Variants in INPP5F observed in about 807,000 individuals in gnomAD.
INPP5F encodes the protein phosphatidylinositide 4-phosphatase SAC2.
Under a neutral mutation model 137.2 loss-of-function variants are expected in INPP5F, and 97 were observed. That is an observed-to-expected ratio of 0.71 (90% CI 0.60 to 0.84). INPP5F has a LOEUF of 0.84. INPP5F is among the 40% of genes least tolerant of loss of function. INPP5F has a pLI of 0.00. For synonymous variants in INPP5F, 504 were observed against 476.9 expected, an observed-to-expected ratio of 1.06 and a Z score of -0.74; for missense variants, 1,271 against 1,371.9, an observed-to-expected ratio of 0.93 and a Z score of 1.16.
At chr10:119,784,506 T>C in intron 3 of INPP5F, among the ~76,000 whole-genome samples, 1 of 152,222 alleles carries the variant, frequency 6.6e-6, no homozygotes, top group Non-Finnish European at 1.5e-5. Flanking sequence ...ATAATCTGCA[T>C]TTATTCCAGC....
At chr10:119,785,284 C>CTTTTTTTTTTTTTTTTTTTTT (rs1440327192) in intron 3 of INPP5F, among the ~76,000 whole-genome samples, 2 of 81,604 alleles carry the variant, frequency 2.5e-5, no homozygotes, top group South Asian at 7.4e-4. Context: ...AACTGCCAGA[C>CTTTTTTTTTTTTTTTTTTTTT]TGTTTTTTTT....
chr10:119,742,914 C>T (rs1170340331), intron 1 of INPP5F, among the ~76,000 whole-genome samples: 1 of 152,138 alleles, frequency 6.6e-6, no homozygotes, highest in African/African-American at 2.4e-5. Flanking sequence ...ATTGCTTGAA[C>T]CCGGGAGGTG....
chr10:119,738,349 A>G (rs180857867), intron 1 of INPP5F, among the ~76,000 whole-genome samples: 338 of 152,290 alleles, frequency 2.2e-3, no homozygotes, highest in Middle Eastern at 6.8e-3. Context: ...TTGAATTTGT[A>G]TGCCACATTA....
chr10:119,753,021 T>TA (rs879761665), intron 2 of INPP5F, among the ~76,000 whole-genome samples: 1 of 152,084 alleles, frequency 6.6e-6, no homozygotes, highest in Non-Finnish European at 1.5e-5. Context: ...GGTAGGTTTT[T>TA]AAAAAAATTC....
chr10:119,820,158 G>A (rs1003996943), intron 15 of INPP5F, among the ~76,000 whole-genome samples: 13 of 152,074 alleles, frequency 8.5e-5, no homozygotes, highest in African/African-American at 2.9e-4. Context: ...TTTCTTATTG[G>A]TAATTTTACA....
At chr10:119,773,699 C>T (rs1216583936) in intron 2 of INPP5F, among the ~76,000 whole-genome samples, 2 of 151,670 alleles carry the variant, frequency 1.3e-5, no homozygotes, top group Non-Finnish European at 2.9e-5. Flanking sequence ...TTTTTAAATC[C>T]CCCTCTTGCT....
intron 6 of INPP5F, among the ~76,000 whole-genome samples, chr10:119,795,486 C>G (rs961834052): frequency 3.3e-5 from 5 of 151,458 alleles, no homozygotes; most frequent in African/African-American, 9.7e-5. Flanking sequence ...GATGGGCGGC[C>G]GGGCAGAGAC....
At position 119,826,795 on chromosome 10, in the gene INPP5F, A is replaced by C. The variant is rs1851777268; in HGVS notation, c.2414A>C (p.Asn805Thr). ...VNIGNLRKLG[N>T]FTKPEMKVNF... ...ATTGGCAACCTCCGAAAGCTAGGAA[A>C]CTTTACCAAACCTGAAATGAAAGTT... Residue 805 changes from asparagine (N) to threonine (T), a missense_variant, in exon 20 of 20, where the codon AAC (asparagine) becomes ACC (threonine). By Grantham distance (65) the Asn-to-Thr change is moderately conservative. Coordinates refer to ENST00000650623, the MANE Select transcript of INPP5F (RefSeq NM_014937.4). 3 of 1,613,716 alleles carry C rather than the reference A, an allele frequency of 1.9e-6. No individual in the cohort carries two copies. In the South Asian group the frequency reaches 3.3e-5, roughly 18 times the overall value.
Position 119,811,762 on chromosome 10 carries a change from A to C in INPP5F, c.1693A>C (p.Met565Leu), listed in dbSNP as rs1232404138. 6 of 1,612,700 alleles carry C rather than the reference A, an allele frequency of 3.7e-6. No homozygotes were observed. The highest frequency in any genetic ancestry group is 3.4e-6 in the Non-Finnish European group (4 of 1,178,908). ...TATTAACAATTCCACCCTAGATTTG[A>C]TGCAAGGCATTCCAGTGACAGAAGA... ...DAYRQAVIDL[M>L]QGIPVTEDLY... The change falls in exon 15 of 20, where the codon ATG becomes CTG. Residue 565 changes from methionine to leucine, a missense_variant. By Grantham distance (15) the Met-to-Leu change is conservative. Transcript: ENST00000650623.
chr10:119,771,982 A>G (rs34949945), intron 2 of INPP5F, among the ~76,000 whole-genome samples: 9,520 of 135,968 alleles, frequency 0.07, 421 homozygotes, highest in South Asian at 0.23. Flanking sequence ...TGCAAGCTCC[A>G]TCTCCCGGGT....
chr10:119,804,323 T>C (rs371252330), intron 10 of INPP5F, 26 bp downstream of exon 10: 2 of 1,579,602 alleles, frequency 1.3e-6, no homozygotes, highest in African/African-American at 1.4e-5. Flanking sequence ...GAGAATAGTG[T>C]TGATCAATTG....
intron 1 of INPP5F, among the ~76,000 whole-genome samples, chr10:119,747,185 T>C (rs943181734): frequency 2.6e-5 from 4 of 152,252 alleles, no homozygotes; most frequent in African/African-American, 9.6e-5. Flanking sequence ...GCCATCAAAT[T>C]AGCAAAATTA....
chr10:119,823,884 T>C lies in INPP5F; in HGVS notation c.2231T>C (p.Ile744Thr), dbSNP rs1466307835. The stretch of plus-strand genomic sequence containing the variant: ...GCCATGGGATCGGATTTACCCATAA[T>C]TGAGAAGAAACTTGAGAGGTGAGTA... ...KQAMGSDLPI[I>T]EKKLERKSSK... is the part of the protein sequence containing the mutation. The change falls in exon 19 of 20, where the codon ATT becomes ACT. Residue 744 changes from isoleucine (I) to threonine (T), a missense_variant. By Grantham distance (89) the Ile-to-Thr change is moderately conservative. Around this residue, in one of 6 missense-constraint regions of INPP5F, gnomAD observed 593 missense variants for 712.4 expected, o/e 0.83. Transcript: ENST00000650623. 5.0e-6 allele frequency: 8 copies of C among 1,613,640 alleles called. No individual in the cohort carries two copies. Among genetic ancestry groups the C allele is most frequent in the East Asian group, 2.2e-5 (1 of 44,868 alleles).
intron 1 of INPP5F, among the ~76,000 whole-genome samples, chr10:119,746,293 C>T (rs1446860289): frequency 6.6e-6 from 1 of 152,184 alleles, no homozygotes; most frequent in East Asian, 1.9e-4. Context: ...CTACATGACT[C>T]TCCGTGACTG....
At chr10:119,733,010 T>G (rs901593322) in intron 1 of INPP5F, among the ~76,000 whole-genome samples, 1 of 152,220 alleles carries the variant, frequency 6.6e-6, no homozygotes, top group Non-Finnish European at 1.5e-5. Context: ...TGTTTGACTC[T>G]AAAACCAGGT....
chr10:119,734,669 A>G (rs1848172586), intron 1 of INPP5F, among the ~76,000 whole-genome samples: 1 of 152,194 alleles, frequency 6.6e-6, no homozygotes, highest in Non-Finnish European at 1.5e-5. Flanking sequence ...ATACATTCTC[A>G]GAATCATAGT....
intron 1 of INPP5F, among the ~76,000 whole-genome samples, chr10:119,739,963 T>C (rs1200991394): frequency 6.6e-6 from 1 of 152,250 alleles, no homozygotes; most frequent in Non-Finnish European, 1.5e-5. Flanking sequence ...TTTACATTTA[T>C]TGTAACTACA....
At position 119,829,141 on chromosome 10, in the gene INPP5F, A is replaced by G. The variant is rs986864819; in HGVS notation, c.*1361A>G. The stretch of plus-strand genomic sequence containing the variant: ...TTAAAATAAAGTACCATTGTAATTT[A>G]AAGTGACAAATGGGTATGAGAATTC... On this transcript the variant is annotated 3_prime_UTR_variant, in exon 20 of 20. Transcript: ENST00000650623. The G allele has an allele frequency of 2.0e-5, 3 of 152,662 alleles. No individual in the cohort carries two copies. Among genetic ancestry groups the G allele is most frequent in the African/African-American group, 7.2e-5 (3 of 41,448 alleles). The allele number at this position is 152,662 out of a possible 1,614,324, so 9.5% of individuals were successfully genotyped here. A position where few individuals can be genotyped will look rare whatever the true frequency, so the allele number is the denominator to read the frequency against.
chr10:119,764,003 G>A (rs541017188), intron 2 of INPP5F, among the ~76,000 whole-genome samples: 1 of 152,282 alleles, frequency 6.6e-6, no homozygotes, highest in South Asian at 2.1e-4. Context: ...GACTTCATCA[G>A]AATGCTCTTC....
Sources: allele counts gnomAD v4.1 joint callset (sites outside exome capture counted in the v4.1 genomes callset), GRCh38; gene constraint gnomAD v4.1.1; regional missense constraint gnomAD v4.1.1; transcripts MANE v1.5; gene names NCBI Gene and HGNC (gene_info 2026-07-23, HGNC 2026-07-21).